Variants in FRAS1 observed in about 807,000 individuals in gnomAD.
The protein encoded by FRAS1 is Fraser extracellular matrix complex subunit 1.
Under a neutral mutation model 435.2 loss-of-function variants are expected in FRAS1, and 290 were observed. That is an observed-to-expected ratio of 0.67 (90% CI 0.61 to 0.73). The LOEUF (loss-of-function observed/expected upper bound fraction) is 0.73. Ranked by LOEUF, FRAS1 falls within the 30% of genes least tolerant of loss-of-function variation. The pLI, the probability that FRAS1 is intolerant of heterozygous loss-of-function variation, is 0.00. For synonymous variants in FRAS1, 1,800 were observed against 1,851.0 expected, an observed-to-expected ratio of 0.97 and a Z score of 0.71; for missense variants, 4,860 against 5,001.5, an observed-to-expected ratio of 0.97 and a Z score of 0.85.
intron 28 of FRAS1, among the ~76,000 whole-genome samples, chr4:78,384,723 G>A (rs992362685): frequency 8.8e-5 from 13 of 147,770 alleles, no homozygotes; most frequent in Non-Finnish European, 1.0e-4. Flanking sequence ...GCGAAACCCC[G>A]TCTATACCGA....
At chr4:78,373,243 G>C (rs1731584749) in intron 24 of FRAS1, among the ~76,000 whole-genome samples, 2 of 151,850 alleles carry the variant, frequency 1.3e-5, no homozygotes, top group African/African-American at 4.8e-5. Context: ...TCAACCCTCT[G>C]TATACCATAT....
intron 2 of FRAS1, among the ~76,000 whole-genome samples, chr4:78,208,167 C>T (rs1260780469): frequency 6.6e-6 from 1 of 152,164 alleles, no homozygotes; most frequent in Non-Finnish European, 1.5e-5. Flanking sequence ...GATAGACCAA[C>T]TGGGCGGGTA....
intron 2 of FRAS1, among the ~76,000 whole-genome samples, chr4:78,080,353 C>T (rs1578110066): frequency 6.6e-6 from 1 of 152,084 alleles, no homozygotes; most frequent in East Asian, 1.9e-4. Flanking sequence ...GGCTGATGTG[C>T]TCAGGTGTTC....
Position 78,519,478 on chromosome 4 carries a change from A to G in FRAS1, c.10537A>G (p.Thr3513Ala). 2 of 1,609,216 alleles carry G rather than the reference A, an allele frequency of 1.2e-6. No homozygotes were observed. Among genetic ancestry groups the G allele is most frequent in the Non-Finnish European group, 1.7e-6 (2 of 1,178,098 alleles). The change falls in exon 67 of 74, where the codon ACA becomes GCA. Residue 3513 changes from threonine to alanine, a missense_variant. Physicochemically the swap from Thr to Ala is moderately conservative, Grantham distance 58 (BLOSUM62 0). Coordinates refer to ENST00000512123, the MANE Select transcript of FRAS1 (RefSeq NM_025074.7). ...SFFYDTVLWR[T>A]GIQTDSVLSA... ...CTTCTATGACACTGTTCTCTGGAGAACAGGTATGCCCACTGACGCCTTAAC... is the reference window on the plus strand; with the variant it reads ...CTTCTATGACACTGTTCTCTGGAGAGCAGGTATGCCCACTGACGCCTTAAC...
chr4:78,069,786 GTT>G (rs5859604), intron 2 of FRAS1, among the ~76,000 whole-genome samples: 4,540 of 146,846 alleles, frequency 0.031, 186 homozygotes, highest in African/African-American at 0.097. Flanking sequence ...CCAGGAAATA[GTT>G]TTTTTTTTTT....
intron 59 of FRAS1, among the ~76,000 whole-genome samples, chr4:78,493,476 A>T (rs1438245790): frequency 6.6e-6 from 1 of 151,316 alleles, no homozygotes; most frequent in Non-Finnish European, 1.5e-5. Flanking sequence ...ATGCAGCTAT[A>T]AAAAAAAAGA....
chr4:78,431,633 G>C (rs1245504332), intron 37 of FRAS1, among the ~76,000 whole-genome samples: 2 of 152,040 alleles, frequency 1.3e-5, no homozygotes, highest in Non-Finnish European at 2.9e-5. Flanking sequence ...AAATCATTAG[G>C]GCTCATGGCA....
At chr4:78,509,095 T>G in intron 63 of FRAS1, 89 bp downstream of exon 63, 1 of 1,399,206 alleles carries the variant, frequency 7.1e-7, no homozygotes. Flanking sequence ...TTCCTTATGG[T>G]CCATGCATGG....
At chr4:78,524,197 G>A (rs1199480828) in intron 69 of FRAS1, among the ~76,000 whole-genome samples, 1 of 152,200 alleles carries the variant, frequency 6.6e-6, no homozygotes, top group African/African-American at 2.4e-5. Context: ...CAGAGTAGAA[G>A]GCACATATGA....
chr4:78,099,810 C>T (rs1742026057), intron 2 of FRAS1, among the ~76,000 whole-genome samples: 2 of 152,138 alleles, frequency 1.3e-5, no homozygotes, highest in African/African-American at 4.8e-5. Flanking sequence ...AATAGCTTAT[C>T]ATATTGAATG....
At chr4:78,538,951 TC>T (rs1721965941) in intron 72 of FRAS1, among the ~76,000 whole-genome samples, 2 of 63,886 alleles carry the variant, frequency 3.1e-5, no homozygotes, top group African/African-American at 1.3e-4. Flanking sequence ...CAAGACTCCA[TC>T]TAAAAAAAAA....
rs1409049393 is a variant in FRAS1, at chr4:78,473,439, G to C, written c.7524G>C (p.Glu2508Asp). 6.2e-7 allele frequency: 1 copy of C among 1,611,068 alleles called. No homozygotes were observed. The highest frequency in any genetic ancestry group is 8.5e-7 in the Non-Finnish European group (1 of 1,178,510). ...CACAGTGAGTCTTTTTTCTCACAGAGGATGTGAACTTGGGGTTGATTCGTT... is the reference window on the plus strand; with the variant it reads ...CACAGTGAGTCTTTTTTCTCACAGACGATGTGAACTTGGGGTTGATTCGTT... ...PGRAAATFTQ[E>D]DVNLGLIRYV... is the part of the protein sequence containing the mutation. Residue 2508 changes from glutamate to aspartate, a missense_variant and splice_region_variant, in exon 53 of 74, where the codon GAG becomes GAC. Coordinates refer to ENST00000512123, the MANE Select transcript of FRAS1 (RefSeq NM_025074.7).
chr4:78,196,368 A>T (rs1272693934), intron 2 of FRAS1, among the ~76,000 whole-genome samples: 3 of 152,230 alleles, frequency 2.0e-5, no homozygotes, highest in African/African-American at 7.2e-5. Context: ...CATCTGGTAC[A>T]GTAAAACATC....
rs146527202 is a variant in FRAS1, at chr4:78,326,471, A to G, written c.2138-6801A>G. On this transcript the variant is annotated intron_variant, in intron 18 of 73. Transcript: ENST00000512123. ...GTAGGATGTGGGGTTGGGGATAGAT[A>G]GTGAGTAAAGTTTTGGACTGATGTC... 4.3e-3 allele frequency among the ~76,000 whole-genome samples: 648 copies of G among 152,302 alleles called. 4 individuals are homozygous for G. The highest frequency in any genetic ancestry group is 0.015 in the African/African-American group (626 of 41,570).
At chr4:78,484,276 T>C (rs540065426) in intron 58 of FRAS1, among the ~76,000 whole-genome samples, 1 of 152,360 alleles carries the variant, frequency 6.6e-6, no homozygotes, top group Non-Finnish European at 1.5e-5. Context: ...TTACCACCAT[T>C]TGTTTACTCA....
In FRAS1 at chr4:78,333,305, A is replaced by G; in HGVS notation, c.2171A>G (p.Lys724Arg). ...CHQSCFRCAG[K>R]SPHNCTDCGP... is the part of the protein sequence containing the mutation. ...CAGTCCTGTTTCAGATGTGCAGGGA[A>G]AAGCCCACATAACTGCACAGACTGT... is the stretch of plus-strand genomic sequence containing the variant. The change falls in exon 19 of 74, where the codon AAA becomes AGA. Residue 724 changes from lysine (K) to arginine (R), a missense_variant. Physicochemically the swap from Lys to Arg is conservative, Grantham distance 26 (BLOSUM62 2). Coordinates refer to ENST00000512123, the MANE Select transcript of FRAS1 (RefSeq NM_025074.7). 6.2e-7 allele frequency: 1 copy of G among 1,611,520 alleles called. No homozygotes were observed. The highest frequency in any genetic ancestry group is 8.5e-7 in the Non-Finnish European group (1 of 1,178,858).
intron 47 of FRAS1, among the ~76,000 whole-genome samples, chr4:78,457,007 T>G (rs184364872): frequency 6.6e-6 from 1 of 152,236 alleles, no homozygotes; most frequent in East Asian, 1.9e-4. Context: ...AGTTGCTACT[T>G]CTGTAATACT....
Position 78,115,613 on chromosome 4 carries a change from G to A in FRAS1, c.108+49597G>A, listed in dbSNP as rs1186583826. ...TTCTTCTAGATTTTCTAGTTTGTTT[G>A]TGTAGAGGTGTTTATAGTATTCTCT... is the stretch of plus-strand genomic sequence containing the variant. On this transcript the variant is annotated intron_variant, in intron 2 of 73. Transcript: ENST00000512123. 2.6e-5 allele frequency among the ~76,000 whole-genome samples: 4 copies of A among 152,256 alleles called. No homozygotes were observed. In the East Asian group the frequency reaches 5.8e-4, roughly 22 times the overall value.
chr4:78,077,613 T>A (rs1296912896), intron 2 of FRAS1, among the ~76,000 whole-genome samples: 1 of 151,604 alleles, frequency 6.6e-6, no homozygotes, highest in African/African-American at 2.4e-5. Flanking sequence ...CCCTTCCGAG[T>A]CTCCATTGTC....
Sources: gnomAD v4.1 joint callset for allele counts (sites outside exome capture counted in the v4.1 genomes callset) on GRCh38, gnomAD v4.1.1 for gene constraint, MANE v1.5 for transcripts, NCBI Gene and HGNC (gene_info 2026-07-23, HGNC 2026-07-21) for gene names.